PRKAR1B: variants seen among roughly 807,000 people sequenced by gnomAD.
PRKAR1B encodes the protein protein kinase cAMP-dependent type I regulatory subunit beta.
PRKAR1B carries 22 observed loss-of-function variants against 46.5 expected under a neutral mutation model. That is an observed-to-expected ratio of 0.47 (90% CI 0.34 to 0.68). PRKAR1B has a LOEUF of 0.68. Ranked by LOEUF, PRKAR1B falls within the 30% of genes least tolerant of loss-of-function variation. The pLI, the probability that PRKAR1B is intolerant of heterozygous loss-of-function variation, is 0.01. For synonymous variants in PRKAR1B, 259 were observed against 217.7 expected (o/e 1.19, Z -1.67); for missense variants, 445 against 535.6 (o/e 0.83, Z 1.67).
At chr7:595,365 C>T (rs909457978) in intron 7 of PRKAR1B, among the ~76,000 whole-genome samples, 9 of 152,212 alleles carry the variant, frequency 5.9e-5, no homozygotes, top group East Asian at 3.8e-4. Flanking sequence ...ACCTGCTTCT[C>T]GGCTTGGTCC....
At chr7:637,550 T>G (rs1784181571) in intron 4 of PRKAR1B, among the ~76,000 whole-genome samples, 1 of 152,128 alleles carries the variant, frequency 6.6e-6, no homozygotes, top group Admixed American at 6.6e-5. Flanking sequence ...GAGCAAATAA[T>G]GGGCCGGGTG....
At chr7:689,027 G>T (rs1779262910) in intron 2 of PRKAR1B, among the ~76,000 whole-genome samples, 1 of 152,220 alleles carries the variant, frequency 6.6e-6, no homozygotes, top group Non-Finnish European at 1.5e-5. Context: ...CATGGAATTT[G>T]TGGACAAAGA....
chr7:663,883 C>T (rs896772610), intron 4 of PRKAR1B, among the ~76,000 whole-genome samples: 1 of 152,152 alleles, frequency 6.6e-6, no homozygotes, highest in Non-Finnish European at 1.5e-5. Flanking sequence ...CCTCATTCTG[C>T]AGGGAGCAGA....
At chr7:726,345 G>A (rs1385367353) in intron 1 of PRKAR1B, among the ~76,000 whole-genome samples, 1 of 152,176 alleles carries the variant, frequency 6.6e-6, no homozygotes, top group Admixed American at 6.5e-5. Flanking sequence ...TCAAACAGGG[G>A]CTTCCCGGCT....
chr7:727,383 C>T (rs1781372395), upstream of PRKAR1B: 2 of 934,878 alleles, frequency 2.1e-6, no homozygotes, highest in African/African-American at 3.7e-5. Flanking sequence ...CCTCCGCGGC[C>T]CCTCTCACAA....
At chr7:621,686 G>A (rs1159516739) in intron 4 of PRKAR1B, among the ~76,000 whole-genome samples, 2 of 152,240 alleles carry the variant, frequency 1.3e-5, no homozygotes, top group Non-Finnish European at 1.5e-5. Context: ...CCCCATGACA[G>A]ATGCTTCCTG....
chr7:716,346 G>A (rs1160198983), intron 1 of PRKAR1B, among the ~76,000 whole-genome samples: 7 of 149,392 alleles, frequency 4.7e-5, no homozygotes, highest in African/African-American at 7.4e-5. Context: ...ATGAGCCACC[G>A]CACCCGGTCC....
At chr7:685,640 T>C in intron 2 of PRKAR1B, among the ~76,000 whole-genome samples, 1 of 151,548 alleles carries the variant, frequency 6.6e-6, no homozygotes, top group South Asian at 2.1e-4. Flanking sequence ...TCAGTTCACC[T>C]ACAAAGGACT....
intron 9 of PRKAR1B, among the ~76,000 whole-genome samples, chr7:574,918 C>T (rs1329602765): frequency 2.0e-5 from 3 of 152,256 alleles, no homozygotes; most frequent in African/African-American, 4.8e-5. Flanking sequence ...AGATATCTGC[C>T]TTTCCACCTG....
chr7:674,004 G>C (rs1583399200), intron 4 of PRKAR1B, among the ~76,000 whole-genome samples: 1 of 152,252 alleles, frequency 6.6e-6, no homozygotes, highest in East Asian at 1.9e-4. Flanking sequence ...ATCTCCTCCT[G>C]CCTCCCCTTA....
intron 2 of PRKAR1B, among the ~76,000 whole-genome samples, chr7:684,347 A>C (rs183726965): frequency 3.5e-4 from 54 of 152,192 alleles, no homozygotes; most frequent in African/African-American, 1.1e-3. Flanking sequence ...GAGCTTCCCC[A>C]AAAAAAATGG....
At chr7:685,377 T>TAC (rs1377949850) in intron 2 of PRKAR1B, among the ~76,000 whole-genome samples, 298 of 16,606 alleles carry the variant, frequency 0.018, 46 homozygotes, top group African/African-American at 0.06. Context: ...CATATATATA[T>TAC]ATACATACAT....
chr7:557,424 C>T (rs1300520583), intron 9 of PRKAR1B, among the ~76,000 whole-genome samples: 2 of 152,234 alleles, frequency 1.3e-5, no homozygotes, highest in Non-Finnish European at 2.9e-5. Flanking sequence ...TACAGCAGCT[C>T]GGCCTCTCTC....
Position 619,419 on chromosome 7 carries a change from A to C in PRKAR1B, c.441-11967T>G, listed in dbSNP as rs145405785. On this transcript the variant is annotated intron_variant, in intron 4 of 10. Coordinates refer to ENST00000537384, the MANE Select transcript of PRKAR1B (RefSeq NM_001164760.2). ...CAGTTGCTCATTTAATTCTCACAAC[A>C]ACCTTGTGGCATATATGATCATCAC... 2.4e-3 allele frequency among the ~76,000 whole-genome samples: 370 copies of C among 152,296 alleles called. 3 individuals carry two copies. The highest frequency in any genetic ancestry group is 8.6e-3 in the African/African-American group (357 of 41,556).
intron 8 of PRKAR1B, among the ~76,000 whole-genome samples, chr7:582,172 C>G (rs1371297548): frequency 1.3e-5 from 2 of 148,982 alleles, no homozygotes; most frequent in African/African-American, 5.0e-5. Flanking sequence ...CAGGGGGGAA[C>G]CCATCGTCAA....
chr7:580,480 G>C (rs999402393), intron 8 of PRKAR1B, among the ~76,000 whole-genome samples: 1 of 152,002 alleles, frequency 6.6e-6, no homozygotes, highest in East Asian at 1.9e-4. Context: ...GTTCATCAGG[G>C]GACTGATCAA....
chr7:639,863 GA>G (rs1196804947), intron 4 of PRKAR1B, among the ~76,000 whole-genome samples: 13 of 148,088 alleles, frequency 8.8e-5, no homozygotes, highest in Admixed American at 8.7e-4. Flanking sequence ...TCCTTAAAAA[GA>G]AAAAAAGAAA....
chr7:585,510 G>C (rs1162955574), intron 7 of PRKAR1B, among the ~76,000 whole-genome samples: 2 of 152,182 alleles, frequency 1.3e-5, no homozygotes, highest in African/African-American at 4.8e-5. Context: ...GTTCGAGTAG[G>C]GTGTACGCCG....
At chr7:561,047 G>A (rs1399246701) in intron 9 of PRKAR1B, among the ~76,000 whole-genome samples, 1 of 151,724 alleles carries the variant, frequency 6.6e-6, no homozygotes, top group African/African-American at 2.4e-5. Flanking sequence ...CATACACACA[G>A]ATGCATATTT....
Sources: gnomAD v4.1 joint callset for allele counts (sites outside exome capture counted in the v4.1 genomes callset) on GRCh38, gnomAD v4.1.1 for gene constraint, MANE v1.5 for transcripts, NCBI Gene and HGNC (gene_info 2026-07-23, HGNC 2026-07-21) for gene names.